NCKAP5: variants seen among roughly 807,000 people sequenced by gnomAD.
NCKAP5 encodes the protein NCK associated protein 5.
NCKAP5 carries 92 observed loss-of-function variants against 167.0 expected under a neutral mutation model. The ratio of observed to expected loss-of-function variants is 0.55; its 90% confidence interval spans 0.47 to 0.66. NCKAP5 has a LOEUF of 0.66. Among genes scored for constraint, NCKAP5 ranks in the 30% least tolerant of loss-of-function variants. The pLI, the probability that NCKAP5 is intolerant of heterozygous loss-of-function variation, is 0.00. For synonymous variants in NCKAP5, 891 were observed against 877.4 expected, an observed-to-expected ratio of 1.02 and a Z score of -0.27; for missense variants, 2,378 against 2,315.0, an observed-to-expected ratio of 1.03 and a Z score of -0.56.
chr2:133,266,556 G>GGGCGCTGCGTCCCCAGGGGTTGAC (rs1382282672), intron 4 of NCKAP5: 5 of 152,318 alleles, frequency 3.3e-5, no homozygotes, highest in African/African-American at 1.2e-4. Context: ...GGGGCGGGGT[G>GGGCGCTGCGTCCCCAGGGGTTGAC]GGCGCTGCGT....
At chr2:132,987,614 T>C (rs927858604) in intron 7 of NCKAP5, among the ~76,000 whole-genome samples, 13 of 152,100 alleles carry the variant, frequency 8.5e-5, no homozygotes, top group African/African-American at 3.1e-4. Context: ...AAGAACATCT[T>C]TGGAAAGAAT....
At chr2:133,518,344 ATTTTTTTTTT>A (rs751025050) in intron 2 of NCKAP5, among the ~76,000 whole-genome samples, 49 of 74,634 alleles carry the variant, frequency 6.6e-4, no homozygotes, top group South Asian at 2.0e-3. Context: ...ACAGTAAAGG[ATTTTTTTTTT>A]TTTTTTTTTT....
chr2:133,135,099 A>G (rs2082742177), intron 5 of NCKAP5, among the ~76,000 whole-genome samples: 1 of 152,240 alleles, frequency 6.6e-6, no homozygotes, highest in Admixed American at 6.5e-5. Flanking sequence ...GGCTGGCGCT[A>G]AATAAACATC....
chr2:133,096,505 T>C (rs1242689023), intron 6 of NCKAP5, among the ~76,000 whole-genome samples: 1 of 150,296 alleles, frequency 6.7e-6, no homozygotes, highest in Admixed American at 6.7e-5. Flanking sequence ...AATAAATAAA[T>C]AAATAAATAA....
chr2:133,165,430 G>A (rs1328280371), intron 5 of NCKAP5, among the ~76,000 whole-genome samples: 3 of 152,118 alleles, frequency 2.0e-5, no homozygotes, highest in Non-Finnish European at 4.4e-5. Context: ...ATTGTTTATA[G>A]AAGCAATCCA....
intron 11 of NCKAP5, among the ~76,000 whole-genome samples, chr2:132,827,234 A>G (rs1687192357): frequency 6.6e-6 from 1 of 152,184 alleles, no homozygotes; most frequent in Non-Finnish European, 1.5e-5. Context: ...AAAAAAGAGC[A>G]TTATTTTTTT....
intron 3 of NCKAP5, among the ~76,000 whole-genome samples, chr2:133,383,071 ATTT>A (rs1281620778): frequency 6.6e-6 from 1 of 151,792 alleles, no homozygotes; most frequent in African/African-American, 2.4e-5. Flanking sequence ...TTTAAAAAAA[ATTT>A]TTTTATTATA....
chr2:133,138,198 G>T (rs2082867838), intron 5 of NCKAP5, among the ~76,000 whole-genome samples: 1 of 152,098 alleles, frequency 6.6e-6, no homozygotes, highest in African/African-American at 2.4e-5. Context: ...ATGAATTAAA[G>T]AATAAAAGAT....
At chr2:133,212,524 C>T (rs1019929902) in intron 5 of NCKAP5, among the ~76,000 whole-genome samples, 9 of 152,140 alleles carry the variant, frequency 5.9e-5, no homozygotes, top group Non-Finnish European at 1.0e-4. Context: ...CCCACCACCA[C>T]GCCCAGCTAA....
chr2:132,852,769 C>T (rs1357860952), intron 11 of NCKAP5, among the ~76,000 whole-genome samples: 1 of 152,172 alleles, frequency 6.6e-6, no homozygotes, highest in Non-Finnish European at 1.5e-5. Flanking sequence ...TCTTCAAAGT[C>T]AAGGTTAGCT....
In NCKAP5 at chr2:133,455,874, G is replaced by GA. The variant is rs201130895; in HGVS notation, c.69+61583dup. Among the ~76,000 whole-genome samples, 26 of 152,206 alleles carry GA rather than the reference G, an allele frequency of 1.7e-4. No individual in the cohort carries two copies. The East Asian group carries it at 5.0e-3, about 29-fold the overall frequency. On this transcript the variant is annotated intron_variant, in intron 3 of 19. Coordinates refer to ENST00000409261, the MANE Select transcript of NCKAP5 (RefSeq NM_207363.3). The stretch of plus-strand genomic sequence containing the variant: ...TTAAGTCTTATATCAGCCGTGGTTA[G>GA]ATGTAAATAAATCCACCATAAAAGT...
chr2:133,348,387 C>A (rs1015184927), intron 3 of NCKAP5, among the ~76,000 whole-genome samples: 4 of 152,102 alleles, frequency 2.6e-5, no homozygotes, highest in African/African-American at 9.7e-5. Context: ...GTTTAGAAAT[C>A]ATTCCAATAT....
chr2:133,536,292 C>T (rs1251108376), intron 2 of NCKAP5, among the ~76,000 whole-genome samples: 1 of 151,990 alleles, frequency 6.6e-6, no homozygotes, highest in Non-Finnish European at 1.5e-5. Context: ...AATCTTTAAT[C>T]CATCTTGAGT....
At chr2:133,118,073 A>G (rs2082136865) in intron 6 of NCKAP5, 1 of 152,088 alleles carries the variant, frequency 6.6e-6, no homozygotes, top group African/African-American at 2.4e-5. Context: ...ACATGCTTCA[A>G]TACTCATCTC....
intron 6 of NCKAP5, among the ~76,000 whole-genome samples, chr2:133,033,529 C>T (rs2078947829): frequency 6.6e-6 from 1 of 152,066 alleles, no homozygotes; most frequent in African/African-American, 2.4e-5. Flanking sequence ...GAACCAGAGA[C>T]CAAACTTGGA....
At position 133,538,928 on chromosome 2, in the gene NCKAP5, T is replaced by G. The variant is rs10203633; in HGVS notation, c.-62+20122A>C. Among the ~76,000 whole-genome samples the G allele has an allele frequency of 8.1e-3, 984 of 120,844 alleles. 15 individuals are homozygous for G. Among genetic ancestry groups the G allele is most frequent in the African/African-American group, 0.026 (819 of 31,238 alleles). 79.3% of individuals were successfully genotyped at this position (120,844 alleles called of 152,430 possible). On this transcript the variant is annotated intron_variant, in intron 2 of 19. Coordinates refer to ENST00000409261, the MANE Select transcript of NCKAP5 (RefSeq NM_207363.3). ...TTTTGGTTTTTTTTTGTGGTTTTTT[T>G]GGGTTTTTTTTTTTTTTTTTTTTTT...
intron 8 of NCKAP5, among the ~76,000 whole-genome samples, chr2:132,952,906 C>T (rs1051976398): frequency 6.6e-6 from 1 of 152,206 alleles, no homozygotes; most frequent in African/African-American, 2.4e-5. Flanking sequence ...ATTTGATGCT[C>T]TACAGATGGA....
intron 6 of NCKAP5, among the ~76,000 whole-genome samples, chr2:133,102,984 G>A (rs2081567557): frequency 6.6e-6 from 1 of 152,042 alleles, no homozygotes; most frequent in Admixed American, 6.5e-5. Context: ...TTGAATCCAA[G>A]GATATTCCTT....
At chr2:133,598,864 G>A in the NCKAP5 span, among the ~76,000 whole-genome samples, 2 of 152,190 alleles carry the variant, frequency 1.3e-5, no homozygotes, top group South Asian at 2.1e-4. Flanking sequence ...AAGGTGTCAT[G>A]CTCCTACTGA....
Sources: gnomAD v4.1 joint callset for allele counts (sites outside exome capture counted in the v4.1 genomes callset) on GRCh38, gnomAD v4.1.1 for gene constraint, MANE v1.5 for transcripts, NCBI Gene and HGNC (gene_info 2026-07-23, HGNC 2026-07-21) for gene names.